The following CCDC7 variants were observed in gnomAD, a reference collection of about 807,000 sequenced individuals.
CCDC7 encodes coiled-coil domain-containing protein 7.
A neutral mutation model predicts 196.9 loss-of-function variants in CCDC7; 183 were observed. The observed-to-expected ratio is 0.93, with a 90% CI of 0.82 to 1.05. The LOEUF is 1.05. Among genes scored for constraint, CCDC7 ranks in the 50% least tolerant of loss-of-function variants. CCDC7 has a pLI of 0.00. For synonymous variants in CCDC7, 525 were observed against 484.6 expected (o/e 1.08, Z -1.10); for missense variants, 1,540 against 1,482.2 (o/e 1.04, Z -0.64).
At chr10:32,527,738 G>A (rs896596334) in intron 11 of CCDC7, among the ~76,000 whole-genome samples, 10 of 152,158 alleles carry the variant, frequency 6.6e-5, no homozygotes, top group African/African-American at 2.4e-4. Context: ...CAAGGGTAGT[G>A]ACCAAGAAAT....
At chr10:32,881,051 G>A (rs1035705277), downstream of CCDC7, among the ~76,000 whole-genome samples, 2 of 152,142 alleles carry the variant, frequency 1.3e-5, no homozygotes, top group Admixed American at 6.6e-5. Flanking sequence ...TACTTTTTTA[G>A]AGGCAAAAAT....
chr10:32,659,073 A>C (rs1383986483), intron 20 of CCDC7, among the ~76,000 whole-genome samples: 3 of 151,902 alleles, frequency 2.0e-5, no homozygotes, highest in Non-Finnish European at 4.4e-5. Flanking sequence ...TCCTCCTATT[A>C]ACTGTGGACT....
At chr10:32,786,949 T>G (rs1016531818) in intron 29 of CCDC7, among the ~76,000 whole-genome samples, 12 of 152,220 alleles carry the variant, frequency 7.9e-5, no homozygotes, top group African/African-American at 2.9e-4. Flanking sequence ...ATAGAGAGAT[T>G]CAACAGCAGA....
intron 8 of CCDC7, 104 bp from the exon 10 acceptor site, chr10:32,491,818 T>G: frequency 1.8e-6 from 2 of 1,115,636 alleles, no homozygotes; most frequent in Non-Finnish European, 2.4e-6. Flanking sequence ...TAGCCCCTCT[T>G]TATGTTTGTT....
At chr10:32,503,085 A>G (rs2044330794) in intron 9 of CCDC7, among the ~76,000 whole-genome samples, 1 of 152,162 alleles carries the variant, frequency 6.6e-6, no homozygotes, top group Non-Finnish European at 1.5e-5. Context: ...AAAGTATATC[A>G]TCTGGAAACA....
chr10:32,573,753 G>A (rs1449370986), intron 16 of CCDC7, among the ~76,000 whole-genome samples: 2 of 152,124 alleles, frequency 1.3e-5, no homozygotes, highest in East Asian at 1.9e-4. Context: ...GTTGATTGAT[G>A]TAATAACTTC....
chr10:32,795,603 T>G (rs1489076798), intron 29 of CCDC7, among the ~76,000 whole-genome samples: 1 of 152,188 alleles, frequency 6.6e-6, no homozygotes, highest in Non-Finnish European at 1.5e-5. Context: ...CATGGTTCCT[T>G]GTTTGCTGTT....
intron 3 of CCDC7, among the ~76,000 whole-genome samples, chr10:32,461,879 C>G (rs1001855074): frequency 4.6e-5 from 7 of 151,276 alleles, no homozygotes; most frequent in African/African-American, 1.7e-4. Flanking sequence ...TCAAGTGATT[C>G]TTCTGCCTCA....
At chr10:32,848,646 A>G (rs147960375) in exon 39 of CCDC7, 2 of 1,528,568 alleles carry the variant, frequency 1.3e-6, no homozygotes, top group Non-Finnish European at 1.8e-6. Context: ...TCAAGAAGGT[A>G]TCTTTACTAG....
chr10:32,486,122 G>A (rs2041029902), intron 8 of CCDC7, among the ~76,000 whole-genome samples: 2 of 152,152 alleles, frequency 1.3e-5, no homozygotes, highest in African/African-American at 2.4e-5. Flanking sequence ...TTATTATTGT[G>A]TGGGAGTCTA....
At chr10:32,852,021 A>G (rs2093583862) in intron 40 of CCDC7, 89 bp downstream of exon 41, 16 of 1,356,784 alleles carry the variant, frequency 1.2e-5, no homozygotes, top group Non-Finnish European at 1.4e-5. Flanking sequence ...AGCTTTAGTC[A>G]TATAACAGTT....
intron 28 of CCDC7, among the ~76,000 whole-genome samples, chr10:32,770,314 C>A (rs1409773554): frequency 6.6e-6 from 1 of 152,128 alleles, no homozygotes; most frequent in Non-Finnish European, 1.5e-5. Context: ...TATATTGTAT[C>A]TCCATTTTCA....
chr10:32,705,991 T>G (rs2079671809), intron 24 of CCDC7, among the ~76,000 whole-genome samples: 1 of 152,142 alleles, frequency 6.6e-6, no homozygotes, highest in Non-Finnish European at 1.5e-5. Flanking sequence ...TACAGAACTT[T>G]CCACCACAAA....
intron 39 of CCDC7, among the ~76,000 whole-genome samples, chr10:32,849,395 T>C (rs2093445947): frequency 6.6e-6 from 1 of 151,856 alleles, no homozygotes; most frequent in African/African-American, 2.4e-5. Context: ...ATAGAAACTT[T>C]ACTGGTTGTT....
chr10:32,817,071 G>A (rs117325935), intron 31 of CCDC7, among the ~76,000 whole-genome samples: 2 of 151,948 alleles, frequency 1.3e-5, no homozygotes, highest in Non-Finnish European at 2.9e-5. Flanking sequence ...CCATGGCGAA[G>A]AAGTTAAAAA....
intron 31 of CCDC7, among the ~76,000 whole-genome samples, chr10:32,819,562 C>A (rs2089697859): frequency 2.0e-5 from 3 of 152,152 alleles, no homozygotes; most frequent in Non-Finnish European, 4.4e-5. Context: ...ATGCAAAAAT[C>A]CTCAATAAAA....
At chr10:32,487,345 T>C (rs2041323361) in intron 8 of CCDC7, among the ~76,000 whole-genome samples, 1 of 152,260 alleles carries the variant, frequency 6.6e-6, no homozygotes, top group Non-Finnish European at 1.5e-5. Flanking sequence ...ATCAGTCCTT[T>C]AAGGACTTCT....
At chr10:32,789,926 C>T (rs2082431920) in intron 29 of CCDC7, among the ~76,000 whole-genome samples, 1 of 152,196 alleles carries the variant, frequency 6.6e-6, no homozygotes, top group Non-Finnish European at 1.5e-5. Context: ...GTCCAAAATA[C>T]AACAAGGAAA....
intron 18 of CCDC7, among the ~76,000 whole-genome samples, chr10:32,606,445 C>A (rs964581979): frequency 5.9e-5 from 9 of 152,190 alleles, no homozygotes; most frequent in Admixed American, 4.6e-4. Flanking sequence ...AATGGTAGAT[C>A]CACTGGCAGC....
Sources: allele counts gnomAD v4.1 joint callset (sites outside exome capture counted in the v4.1 genomes callset), GRCh38; gene constraint gnomAD v4.1.1; transcripts MANE v1.5; gene names NCBI Gene and HGNC (gene_info 2026-07-23, HGNC 2026-07-21).